Variants in DRICH1 observed in about 807,000 individuals in gnomAD.
The protein encoded by DRICH1 is aspartate-rich protein 1.
A neutral mutation model predicts 39.5 loss-of-function variants in DRICH1; 38 were observed. That is an observed-to-expected ratio of 0.96 (90% confidence interval 0.74 to 1.26). The LOEUF (loss-of-function observed/expected upper bound fraction) is 1.26, where lower values mean the gene tolerates loss of function less well. DRICH1 is among the 50% of genes most tolerant of loss of function. DRICH1 has a pLI of 0.00. For missense variants in DRICH1, 279 were observed against 270.4 expected, an observed-to-expected ratio of 1.03 and a Z score of -0.22; for synonymous variants, 84 against 99.5, an observed-to-expected ratio of 0.84 and a Z score of 0.93.
downstream of DRICH1, among the ~76,000 whole-genome samples, chr22:23,606,049 C>CA (rs892475771): frequency 7.3e-4 from 67 of 92,078 alleles, no homozygotes; most frequent in South Asian, 1.6e-3. Flanking sequence ...ACTCCCGCCT[C>CA]AAAAAAAAAA....
At chr22:23,589,093 C>A in the DRICH1 span, among the ~76,000 whole-genome samples, 2 of 68,800 alleles carry the variant, frequency 2.9e-5, no homozygotes, top group African/African-American at 2.8e-4. Flanking sequence ...CCAGCTGACA[C>A]ACACACACAC....
At chr22:23,607,544 G>GA (rs1040999864), downstream of DRICH1, among the ~76,000 whole-genome samples, 2 of 151,070 alleles carry the variant, frequency 1.3e-5, no homozygotes, top group Non-Finnish European at 1.5e-5. Flanking sequence ...GGGGCGGGGG[G>GA]GGGCCTCTTG....
At chr22:23,614,706 C>T (rs1247837766) in intron 8 of DRICH1, among the ~76,000 whole-genome samples, 1 of 152,122 alleles carries the variant, frequency 6.6e-6, no homozygotes, top group African/African-American at 2.4e-5. Context: ...CTTTCTTTTT[C>T]ATAGAGATCA....
the DRICH1 span, among the ~76,000 whole-genome samples, chr22:23,592,393 G>T: frequency 0.12 from 4,857 of 40,216 alleles, 258 homozygotes; most frequent in African/African-American, 0.23. Context: ...GAGCAAGACT[G>T]GGGGGGGGCG....
the DRICH1 span, among the ~76,000 whole-genome samples, chr22:23,601,070 GT>G: frequency 6.6e-6 from 1 of 151,942 alleles, no homozygotes; most frequent in African/African-American, 2.4e-5. Context: ...ACAAAAATTT[GT>G]TTGCAAATAT....
chr22:23,628,053 T>C (rs1303022604), intron 1 of DRICH1, among the ~76,000 whole-genome samples: 1 of 152,114 alleles, frequency 6.6e-6, no homozygotes, highest in Admixed American at 6.5e-5. Flanking sequence ...ACAACACAGA[T>C]AGAGTTTGAC....
downstream of DRICH1, among the ~76,000 whole-genome samples, chr22:23,606,706 G>A (rs773512664): frequency 2.0e-5 from 3 of 152,152 alleles, no homozygotes; most frequent in African/African-American, 4.8e-5. Context: ...CAGCAGTGAG[G>A]TGCGGGATCT....
chr22:23,623,600 C>A (rs1169979752), intron 3 of DRICH1, among the ~76,000 whole-genome samples: 1 of 151,424 alleles, frequency 6.6e-6, no homozygotes, highest in Non-Finnish European at 1.5e-5. Flanking sequence ...TACAGATTAA[C>A]AACTGCTATC....
chr22:23,613,606 C>A, intron 10 of DRICH1, 33 bp downstream of exon 10: 1 of 1,571,952 alleles, frequency 6.4e-7, no homozygotes. Flanking sequence ...CAAGTTTTTT[C>A]CCTCAGGAAG....
chr22:23,603,208 A>G, the DRICH1 span, among the ~76,000 whole-genome samples: 48 of 137,704 alleles, frequency 3.5e-4, no homozygotes, highest in African/African-American at 1.2e-3. Flanking sequence ...ATTAAAAGGC[A>G]TGTACATTTT....
At chr22:23,605,794 G>C (rs143822219), downstream of DRICH1, among the ~76,000 whole-genome samples, 8 of 152,036 alleles carry the variant, frequency 5.3e-5, no homozygotes, top group Admixed American at 5.2e-4. Context: ...AAATTAGGCC[G>C]GGCACAGGTT....
the DRICH1 span, among the ~76,000 whole-genome samples, chr22:23,582,039 G>A: frequency 2.0e-5 from 3 of 151,588 alleles, no homozygotes; most frequent in Non-Finnish European, 4.4e-5. Flanking sequence ...GAGTGCAGTG[G>A]CGCAATCTTA....
chr22:23,607,917 C>T (rs749416761), downstream of DRICH1, among the ~76,000 whole-genome samples: 2 of 152,218 alleles, frequency 1.3e-5, no homozygotes, highest in Non-Finnish European at 2.9e-5. Flanking sequence ...AGCAGGGGAG[C>T]TTTGGCCCCA....
At chr22:23,603,589 G>A (rs1292344786), downstream of DRICH1, among the ~76,000 whole-genome samples, 1 of 152,116 alleles carries the variant, frequency 6.6e-6, no homozygotes, top group African/African-American at 2.4e-5. Context: ...GTGTCCCCCA[G>A]GAGCTCCCCG....
At chr22:23,600,556 G>T in the DRICH1 span, among the ~76,000 whole-genome samples, 1 of 152,170 alleles carries the variant, frequency 6.6e-6, no homozygotes. Context: ...GCACCTCGGT[G>T]CTGGATACAG....
intron 7 of DRICH1, 46 bp downstream of exon 7, chr22:23,617,529 T>C: frequency 6.2e-7 from 1 of 1,603,264 alleles, no homozygotes; most frequent in Non-Finnish European, 8.5e-7. Context: ...GTTTCTCACA[T>C]CAGAAAACCA....
chr22:23,631,443 T>A (rs929882697), intron 1 of DRICH1, among the ~76,000 whole-genome samples: 10 of 143,514 alleles, frequency 7.0e-5, no homozygotes, highest in Middle Eastern at 3.4e-3. Context: ...AATAAATAAA[T>A]AATAAATAAA....
chr22:23,614,086 AAT>A, intron 9 of DRICH1, 47 bp downstream of exon 9: 1 of 1,204,076 alleles, frequency 8.3e-7, no homozygotes, highest in Admixed American at 1.7e-5. Flanking sequence ...GAAATAAAGG[AAT>A]CAGGAAAGCA....
upstream of DRICH1, chr22:23,632,450 A>C: frequency 4.2e-6 from 1 of 237,850 alleles, no homozygotes; most frequent in Non-Finnish European, 8.3e-6. Flanking sequence ...AATGCCTCAT[A>C]ATGCCTGTCC....
Sources: gnomAD v4.1 joint callset for allele counts (sites outside exome capture counted in the v4.1 genomes callset) on GRCh38, gnomAD v4.1.1 for gene constraint, MANE v1.5 for transcripts, NCBI Gene and HGNC (gene_info 2026-07-23, HGNC 2026-07-21) for gene names.